SEMA3D: variants seen among roughly 807,000 people sequenced by gnomAD.
SEMA3D encodes semaphorin-3D.
In SEMA3D, 84 loss-of-function variants were observed where a neutral mutation model predicts 100.1. That is an observed-to-expected ratio of 0.84 (90% confidence interval 0.70 to 1.01). SEMA3D has a LOEUF of 1.01. SEMA3D is among the 50% of genes least tolerant of loss of function. The pLI is 0.00. For missense variants in SEMA3D, 875 were observed against 934.1 expected, an observed-to-expected ratio of 0.94 and a Z score of 0.82; for synonymous variants, 312 against 320.7, an observed-to-expected ratio of 0.97 and a Z score of 0.29.
chr7:85,050,307 G>A (rs2116045513), intron 9 of SEMA3D: 1 of 153,736 alleles, frequency 6.5e-6, no homozygotes, highest in South Asian at 2.1e-4. Flanking sequence ...GCAGTTCTTT[G>A]GGGTGTAAGT....
At chr7:85,065,580 C>G (rs989490584) in intron 7 of SEMA3D, 28 bp from the exon 8 acceptor site, 29 of 1,596,868 alleles carry the variant, frequency 1.8e-5, no homozygotes, top group Non-Finnish European at 2.5e-5. Flanking sequence ...GTACACAGAA[C>G]TTTTAAGAGT....
chr7:85,171,664 C>T (rs768756787), intron 1 of SEMA3D, among the ~76,000 whole-genome samples: 11 of 151,884 alleles, frequency 7.2e-5, no homozygotes, highest in Admixed American at 3.3e-4. Flanking sequence ...CCCTTTATGT[C>T]GCCCACAAAA....
At chr7:85,246,621 G>A in the SEMA3D span, among the ~76,000 whole-genome samples, 1 of 151,946 alleles carries the variant, frequency 6.6e-6, no homozygotes, top group African/African-American at 2.4e-5. Context: ...TAAATTAGAT[G>A]TGTGAAAATA....
In SEMA3D at chr7:85,012,884, A is replaced by G. The variant is rs775829437; in HGVS notation, c.1704-38T>C. 8 of 1,503,356 alleles carry G rather than the reference A, an allele frequency of 5.3e-6. No homozygotes were observed. The Admixed American group carries it at 6.7e-5, about 13-fold the overall frequency. 93.1% of individuals were successfully genotyped at this position (1,503,356 alleles called of 1,614,324 possible). A position where few individuals can be genotyped will look rare whatever the true frequency, so the allele number is the denominator to read the frequency against. ...GATTAAACTTATTAGAACTTCAAGC[A>G]TGATTACCATCATATAGAAAGGCTA... On this transcript the variant is annotated intron_variant, in intron 16 of 18. Transcript: ENST00000284136.
intron 1 of SEMA3D, among the ~76,000 whole-genome samples, chr7:85,168,112 T>A (rs1404546195): frequency 2.0e-5 from 3 of 151,900 alleles, no homozygotes; most frequent in African/African-American, 7.2e-5. Flanking sequence ...CATAGTCTAA[T>A]GGCTGAAATA....
At chr7:85,122,036 A>G (rs575609217) in intron 2 of SEMA3D, 105 bp from the exon 3 acceptor site, 92 of 576,214 alleles carry the variant, frequency 1.6e-4, no homozygotes, top group Non-Finnish European at 2.5e-4. Flanking sequence ...GAGTTGAACA[A>G]TGAGAACACA....
rs1790285570 is a variant in SEMA3D, at chr7:85,022,556, C to T, written c.1249G>A (p.Val417Ile). The T allele has an allele frequency of 2.5e-6, 4 of 1,612,550 alleles. No individual in the cohort carries two copies. Among genetic ancestry groups the T allele is most frequent in the Non-Finnish European group, 3.4e-6 (4 of 1,178,994 alleles). The change falls in exon 13 of 19, where the codon GTC becomes ATC. Residue 417 changes from valine to isoleucine, a missense_variant. Val to Ile is a conservative substitution (Grantham distance 29). Transcript: ENST00000284136. Reference protein sequence around the residue: ...IKSTRDFPDDVISFIKRHSVM... With the variant: ...IKSTRDFPDDIISFIKRHSVM... ...GAGTGCCGCTTTATGAAACTGATGA[C>T]ATCATCTGGAAAATCTCGGGTGGAC... is the stretch of plus-strand genomic sequence containing the variant.
chr7:85,205,329 C>T, the SEMA3D span, among the ~76,000 whole-genome samples: 101 of 152,142 alleles, frequency 6.6e-4, no homozygotes, highest in Non-Finnish European at 3.5e-4. Context: ...AATGTTCTCA[C>T]CACAAAATAA....
intron 7 of SEMA3D, among the ~76,000 whole-genome samples, chr7:85,066,927 G>GAGAGAT (rs1362974141): frequency 2.2e-5 from 3 of 138,754 alleles, no homozygotes; most frequent in Non-Finnish European, 4.4e-5. Context: ...GAGAGAGAGA[G>GAGAGAT]AGAGAGAGAG....
chr7:85,171,642 T>C (rs1179998155), intron 1 of SEMA3D, among the ~76,000 whole-genome samples: 1 of 151,920 alleles, frequency 6.6e-6, no homozygotes, highest in Non-Finnish European at 1.5e-5. Flanking sequence ...GGTAATAATT[T>C]GAAAAAGGAC....
chr7:85,154,658 T>C (rs766276855), intron 1 of SEMA3D, among the ~76,000 whole-genome samples: 2 of 152,200 alleles, frequency 1.3e-5, no homozygotes, highest in Non-Finnish European at 1.5e-5. Context: ...GATTGTCTCC[T>C]TGTTTATAGG....
chr7:85,225,096 A>G, the SEMA3D span, among the ~76,000 whole-genome samples: 1 of 36,516 alleles, frequency 2.7e-5, no homozygotes, highest in African/African-American at 2.9e-4. Flanking sequence ...ATATATATAT[A>G]TATATATATA....
chr7:85,143,646 G>T (rs1358286504), intron 2 of SEMA3D, among the ~76,000 whole-genome samples: 4 of 152,068 alleles, frequency 2.6e-5, no homozygotes, highest in Non-Finnish European at 5.9e-5. Context: ...TGCAGCACAT[G>T]ACTGTAATAT....
chr7:85,160,824 C>T (rs986358828), intron 1 of SEMA3D, among the ~76,000 whole-genome samples: 6 of 152,136 alleles, frequency 3.9e-5, no homozygotes, highest in African/African-American at 1.4e-4. Context: ...GACAAAGTAC[C>T]TCTCTGCAAA....
intron 12 of SEMA3D, among the ~76,000 whole-genome samples, chr7:85,026,195 C>T (rs552040651): frequency 2.0e-5 from 3 of 152,056 alleles, no homozygotes; most frequent in East Asian, 2.0e-4. Context: ...TCTAGTCCTG[C>T]CTCTGCTTCT....
chr7:85,225,518 C>T, the SEMA3D span, among the ~76,000 whole-genome samples: 7 of 151,852 alleles, frequency 4.6e-5, no homozygotes, highest in Non-Finnish European at 1.0e-4. Flanking sequence ...ATAAAGTTTG[C>T]TGAACTGGCT....
intron 3 of SEMA3D, among the ~76,000 whole-genome samples, chr7:85,110,346 AG>A (rs1789058395): frequency 6.6e-6 from 1 of 151,954 alleles, no homozygotes; most frequent in Non-Finnish European, 1.5e-5. Context: ...ACTAAAAAAG[AG>A]TGGGCTTAGA....
chr7:85,141,145 G>A (rs147191039), intron 2 of SEMA3D: 39 of 984,260 alleles, frequency 4.0e-5, no homozygotes, highest in East Asian at 1.1e-4. Flanking sequence ...CCAATTTGAC[G>A]TCTAATTCTA....
intron 2 of SEMA3D, among the ~76,000 whole-genome samples, chr7:85,122,611 C>G (rs948591290): frequency 1.3e-5 from 2 of 152,142 alleles, no homozygotes; most frequent in Admixed American, 6.6e-5. Flanking sequence ...GATCCACCAA[C>G]TAAAACAGAC....
Sources: gnomAD v4.1 joint callset for allele counts (sites outside exome capture counted in the v4.1 genomes callset) on GRCh38, gnomAD v4.1.1 for gene constraint, MANE v1.5 for transcripts, NCBI Gene and HGNC (gene_info 2026-07-23, HGNC 2026-07-21) for gene names.